DGKB: variants seen among roughly 807,000 people sequenced by gnomAD.
DGKB encodes diacylglycerol kinase beta, also known as 90 kDa diacylglycerol kinase.
In DGKB, 67 loss-of-function variants were observed where a neutral mutation model predicts 114.3. The observed-to-expected ratio is 0.59, with a 90% CI of 0.48 to 0.72. The LOEUF is 0.72. Among genes scored for constraint, DGKB ranks in the 30% least tolerant of loss-of-function variants. The pLI is 0.00. For missense variants in DGKB, 907 were observed against 975.2 expected, an observed-to-expected ratio of 0.93 and a Z score of 0.93; for synonymous variants, 398 against 323.1, an observed-to-expected ratio of 1.23 and a Z score of -2.49.
At chr7:14,239,521 C>T (rs1307872399) in intron 23 of DGKB, among the ~76,000 whole-genome samples, 1 of 152,020 alleles carries the variant, frequency 6.6e-6, no homozygotes, top group African/African-American at 2.4e-5. Flanking sequence ...ATTTGTATAG[C>T]ACTTCATAAT....
At chr7:14,915,489 A>T (rs1433580161) in intron 1 of DGKB, among the ~76,000 whole-genome samples, 1 of 152,184 alleles carries the variant, frequency 6.6e-6, no homozygotes, top group Non-Finnish European at 1.5e-5. Context: ...CTCAGAGAAC[A>T]CTAAGCAGGA....
intron 2 of DGKB, among the ~76,000 whole-genome samples, chr7:14,823,210 T>C (rs1186819647): frequency 6.6e-6 from 1 of 151,866 alleles, no homozygotes; most frequent in East Asian, 1.9e-4. Flanking sequence ...ATTAGGCAAA[T>C]TAATGGATAC....
At chr7:14,889,543 C>G (rs1373612376) in intron 1 of DGKB, among the ~76,000 whole-genome samples, 1 of 151,558 alleles carries the variant, frequency 6.6e-6, no homozygotes, top group African/African-American at 2.4e-5. Flanking sequence ...GGAAGCTCAT[C>G]TCACAAATCA....
At chr7:14,665,459 G>GCCC (rs1417780203) in intron 13 of DGKB, among the ~76,000 whole-genome samples, 1 of 151,800 alleles carries the variant, frequency 6.6e-6, no homozygotes, top group African/African-American at 2.4e-5. Context: ...TGTACAACAA[G>GCCC]CCCCCGTGAC....
intron 23 of DGKB, among the ~76,000 whole-genome samples, chr7:14,186,071 G>C (rs527905976): frequency 1.3e-5 from 2 of 152,272 alleles, no homozygotes; most frequent in East Asian, 3.9e-4. Flanking sequence ...AGTCAGCAGA[G>C]TAAACAGACA....
At chr7:14,926,481 A>T (rs1587395588) in intron 1 of DGKB, among the ~76,000 whole-genome samples, 1 of 148,302 alleles carries the variant, frequency 6.7e-6, no homozygotes, top group Non-Finnish European at 1.5e-5. Context: ...ATTGCTTTGC[A>T]TTATGTTTAG....
At chr7:14,785,604 G>C (rs560498450) in intron 2 of DGKB, among the ~76,000 whole-genome samples, 12 of 152,208 alleles carry the variant, frequency 7.9e-5, no homozygotes, top group African/African-American at 2.6e-4. Context: ...AAAAATTCAA[G>C]ACCACCTGCA....
intron 20 of DGKB, among the ~76,000 whole-genome samples, chr7:14,558,818 C>T (rs1436160485): frequency 6.6e-6 from 1 of 152,146 alleles, no homozygotes; most frequent in Admixed American, 6.5e-5. Context: ...CTGCTGCTTT[C>T]CAGTCCTTAC....
chr7:14,864,661 T>G (rs1851457626), intron 1 of DGKB, among the ~76,000 whole-genome samples: 1 of 152,088 alleles, frequency 6.6e-6, no homozygotes, highest in Non-Finnish European at 1.5e-5. Flanking sequence ...CAGAATCCTC[T>G]AGAAGCAGCA....
chr7:14,165,437 G>A (rs1289976783), intron 25 of DGKB, among the ~76,000 whole-genome samples: 2 of 152,040 alleles, frequency 1.3e-5, no homozygotes, highest in South Asian at 2.1e-4. Flanking sequence ...AAAAAAATGC[G>A]AATTCTAGCT....
At chr7:14,639,424 T>C (rs1811328262) in intron 13 of DGKB, among the ~76,000 whole-genome samples, 1 of 152,208 alleles carries the variant, frequency 6.6e-6, no homozygotes, top group Admixed American at 6.5e-5. Context: ...GTAGATGCTG[T>C]TGGTAGCTCA....
At chr7:14,666,184 C>A (rs1407312163) in intron 13 of DGKB, among the ~76,000 whole-genome samples, 2 of 151,878 alleles carry the variant, frequency 1.3e-5, no homozygotes, top group Non-Finnish European at 2.9e-5. Context: ...ATAAACAGAA[C>A]TGAGAAGAAC....
intron 20 of DGKB, among the ~76,000 whole-genome samples, chr7:14,528,158 C>T (rs552039374): frequency 1.0e-3 from 152 of 152,128 alleles, no homozygotes; most frequent in Non-Finnish European, 1.8e-3. Flanking sequence ...TATTCATTTG[C>T]CAAGTCAAAA....
At chr7:14,387,142 G>T (rs1820492595) in intron 21 of DGKB, among the ~76,000 whole-genome samples, 1 of 151,220 alleles carries the variant, frequency 6.6e-6, no homozygotes, top group African/African-American at 2.4e-5. Context: ...ACAGTGTCTT[G>T]GCTGGGCGCG....
At chr7:14,510,963 AG>A (rs908760987) in intron 20 of DGKB, among the ~76,000 whole-genome samples, 1 of 152,232 alleles carries the variant, frequency 6.6e-6, no homozygotes, top group African/African-American at 2.4e-5. Flanking sequence ...GAAAATATTC[AG>A]TAAACAATGC....
At chr7:14,377,649 C>G (rs1818718675) in intron 21 of DGKB, among the ~76,000 whole-genome samples, 1 of 152,242 alleles carries the variant, frequency 6.6e-6, no homozygotes, top group African/African-American at 2.4e-5. Flanking sequence ...CATATTGAAA[C>G]AGTGTATATC....
intron 2 of DGKB, among the ~76,000 whole-genome samples, chr7:14,824,765 T>C (rs1158580920): frequency 1.3e-5 from 2 of 151,782 alleles, no homozygotes; most frequent in Admixed American, 1.3e-4. Flanking sequence ...TCTTTGTCTT[T>C]CAAGATCATA....
At chr7:14,201,066 A>T (rs533783225) in intron 23 of DGKB, among the ~76,000 whole-genome samples, 110 of 152,136 alleles carry the variant, frequency 7.2e-4, no homozygotes, top group African/African-American at 2.5e-3. Context: ...CATAAACTGG[A>T]TCGCATATAA....
intron 19 of DGKB, among the ~76,000 whole-genome samples, chr7:14,576,692 A>G (rs192936582): frequency 2.6e-5 from 4 of 152,336 alleles, no homozygotes; most frequent in Non-Finnish European, 4.4e-5. Flanking sequence ...CACTGGAACA[A>G]TGTAGGAACA....
Sources: allele counts gnomAD v4.1 joint callset (sites outside exome capture counted in the v4.1 genomes callset), GRCh38; gene constraint gnomAD v4.1.1; transcripts MANE v1.5; gene names NCBI Gene and HGNC (gene_info 2026-07-23, HGNC 2026-07-21).